Variants in BTBD16 observed in about 807,000 individuals in gnomAD.
The protein encoded by BTBD16 is BTB/POZ domain-containing protein 16.
A neutral mutation model predicts 67.4 loss-of-function variants in BTBD16; 66 were observed. The ratio of observed to expected loss-of-function variants is 0.98; its 90% CI spans 0.80 to 1.20. The LOEUF (loss-of-function observed/expected upper bound fraction) is 1.20. Ranked by LOEUF, BTBD16 falls within the 50% of genes most tolerant of loss-of-function variation. BTBD16 has a pLI of 0.00. For missense variants in BTBD16, 634 were observed against 616.0 expected (o/e 1.03, Z -0.31); for synonymous variants, 242 against 236.4 (o/e 1.02, Z -0.22).
intron 8 of BTBD16, among the ~76,000 whole-genome samples, chr10:122,298,109 G>A (rs758480924): frequency 1.8e-4 from 27 of 152,052 alleles, no homozygotes; most frequent in Non-Finnish European, 2.8e-4. Context: ...CGAAACAGCC[G>A]AAGACCTTCC....
chr10:122,332,899 G>A (rs2096457475), intron 13 of BTBD16: 2 of 985,312 alleles, frequency 2.0e-6, no homozygotes, highest in Admixed American at 6.1e-5. Context: ...TCCATGCCAA[G>A]TCCATGTTTA....
intron 13 of BTBD16, among the ~76,000 whole-genome samples, chr10:122,334,484 C>A (rs1212469405): frequency 8.0e-6 from 1 of 125,704 alleles, no homozygotes; most frequent in Non-Finnish European, 1.6e-5. Flanking sequence ...TGTGAGCCAC[C>A]GTGCCCGGCC....
At chr10:122,326,498 G>A (rs1169857678) in intron 10 of BTBD16, among the ~76,000 whole-genome samples, 1 of 152,174 alleles carries the variant, frequency 6.6e-6, no homozygotes, top group African/African-American at 2.4e-5. Context: ...TGTATGTTAA[G>A]GCTAAAATCT....
chr10:122,297,829 G>A lies in BTBD16; in HGVS notation c.652G>A (p.Gly218Ser), dbSNP rs766795178. Residue 218 changes from glycine to serine, a missense_variant, in exon 8 of 16, where the codon GGC becomes AGC. Coordinates refer to ENST00000260723, the MANE Select transcript of BTBD16 (RefSeq NM_144587.5). ...CACCATCAAGAAATTCTACGAGGCCGGCTGCAAGGTGAGAACAACCCAGAC... is the reference window on the plus strand; with the variant it reads ...CACCATCAAGAAATTCTACGAGGCCAGCTGCAAGGTGAGAACAACCCAGAC... ...PSTIKKFYEA[G>S]CKYKEEQLTT... 8.7e-6 allele frequency: 14 copies of A among 1,614,088 alleles called. No homozygotes were observed. Among genetic ancestry groups the A allele is most frequent in the South Asian group, 3.3e-5 (3 of 91,048 alleles).
intron 10 of BTBD16, among the ~76,000 whole-genome samples, chr10:122,326,948 A>G (rs1297779972): frequency 6.6e-6 from 1 of 152,230 alleles, no homozygotes; most frequent in African/African-American, 2.4e-5. Flanking sequence ...TGTAGTCCCC[A>G]GACTTAGCAG....
At chr10:122,298,960 A>G (rs751696533) in intron 8 of BTBD16, 44 bp from the exon 9 acceptor site, 4 of 1,606,302 alleles carry the variant, frequency 2.5e-6, no homozygotes, top group South Asian at 2.2e-5. Flanking sequence ...GAGGGTGCCA[A>G]GAGCTCAGGA....
chr10:122,275,261 G>A (rs1002241283), intron 2 of BTBD16, among the ~76,000 whole-genome samples, 162 bp downstream of exon 2: 3 of 152,130 alleles, frequency 2.0e-5, no homozygotes, highest in African/African-American at 7.2e-5. Flanking sequence ...GCACCGTCCA[G>A]AGGGCAGAGA....
intron 10 of BTBD16, among the ~76,000 whole-genome samples, chr10:122,316,479 A>G (rs796454469): frequency 1.4e-4 from 21 of 152,260 alleles, no homozygotes; most frequent in African/African-American, 5.1e-4. Context: ...TGCAAACATC[A>G]TAGGGGGTGC....
intron 11 of BTBD16, 92 bp from the exon 12 acceptor site, chr10:122,331,084 C>A: frequency 6.6e-7 from 1 of 1,522,168 alleles, no homozygotes; most frequent in Non-Finnish European, 8.8e-7. Flanking sequence ...TCCCTCAGCT[C>A]CGGACTTCTT....
intron 1 of BTBD16, among the ~76,000 whole-genome samples, 161 bp downstream of exon 1, chr10:122,271,675 G>A (rs1304224386): frequency 6.6e-6 from 1 of 152,142 alleles, no homozygotes; most frequent in Non-Finnish European, 1.5e-5. Flanking sequence ...TCTGGGAGCT[G>A]AGAGACCATT....
chr10:122,278,296 C>T (rs931157162), intron 3 of BTBD16, among the ~76,000 whole-genome samples: 1 of 152,134 alleles, frequency 6.6e-6, no homozygotes, highest in Admixed American at 6.5e-5. Flanking sequence ...CTGTTAAAAG[C>T]AGTCTATCAA....
chr10:122,323,012 C>G (rs190511887), intron 10 of BTBD16, among the ~76,000 whole-genome samples: 209 of 152,320 alleles, frequency 1.4e-3, no homozygotes, highest in African/African-American at 4.8e-3. Flanking sequence ...CCTCCCAGTC[C>G]TCAATCTTTC....
At chr10:122,299,539 T>C (rs908105864) in intron 9 of BTBD16, among the ~76,000 whole-genome samples, 2 of 152,086 alleles carry the variant, frequency 1.3e-5, no homozygotes, top group South Asian at 4.2e-4. Flanking sequence ...TACACCCACG[T>C]ATCTGATCGC....
chr10:122,304,715 G>A (rs986958950), intron 9 of BTBD16, among the ~76,000 whole-genome samples: 6 of 151,870 alleles, frequency 4.0e-5, no homozygotes, highest in Non-Finnish European at 8.8e-5. Flanking sequence ...CACCATGCCC[G>A]GATAATTTTT....
chr10:122,329,717 G>A lies in BTBD16; in HGVS notation c.1003+146G>A, dbSNP rs1590098194. 4.5e-5 allele frequency: 30 copies of A among 662,326 alleles called. No homozygotes were observed. The East Asian group carries it at 6.3e-4, about 14-fold the overall frequency. 41.0% of individuals were successfully genotyped at this position (662,326 alleles called of 1,614,324 possible). A position where few individuals can be genotyped will look rare whatever the true frequency, so the allele number is the denominator to read the frequency against. ...TGTCACTTCCAAGCTGTGTGACTTCGGGAAAGTCATGTAGCCTCTTGGTCT... is the reference window on the plus strand; with the variant it reads ...TGTCACTTCCAAGCTGTGTGACTTCAGGAAAGTCATGTAGCCTCTTGGTCT... On this transcript the variant is annotated intron_variant, in intron 11 of 15. Transcript: ENST00000260723.
At chr10:122,332,240 G>C (rs1465971050) in intron 12 of BTBD16, 196 bp from the exon 13 acceptor site, 12 of 572,182 alleles carry the variant, frequency 2.1e-5, no homozygotes, top group Non-Finnish European at 3.4e-5. Flanking sequence ...TGAGAGCACT[G>C]GACACAGTGC....
At position 122,319,309 on chromosome 10, in the gene BTBD16, T is replaced by C. The variant is rs78885263; in HGVS notation, c.912-10171T>C. On this transcript the variant is annotated intron_variant, in intron 10 of 15. Transcript: ENST00000260723. ...ACTTAATAATCTTGCCAAAGCAAGATGACTATGATTTTTCCTCTATGTTTT... is the reference window on the plus strand; with the variant it reads ...ACTTAATAATCTTGCCAAAGCAAGACGACTATGATTTTTCCTCTATGTTTT... Among the ~76,000 whole-genome samples, 61 of 152,326 alleles carry C rather than the reference T, an allele frequency of 4.0e-4. No homozygotes were observed. The East Asian group carries it at 0.01, about 26-fold the overall frequency.
intron 3 of BTBD16, among the ~76,000 whole-genome samples, chr10:122,279,880 G>T (rs540483002): frequency 1.3e-5 from 2 of 152,160 alleles, no homozygotes; most frequent in Admixed American, 6.5e-5. Flanking sequence ...CTTGAGTTAC[G>T]GAAAGGGTCA....
intron 10 of BTBD16, among the ~76,000 whole-genome samples, chr10:122,313,198 C>A (rs2096417275): frequency 6.7e-6 from 1 of 148,314 alleles, no homozygotes; most frequent in African/African-American, 2.5e-5. Context: ...GTTTGATGAA[C>A]AAAATTTTAA....
Sources: allele counts gnomAD v4.1 joint callset (sites outside exome capture counted in the v4.1 genomes callset), GRCh38; gene constraint gnomAD v4.1.1; transcripts MANE v1.5; gene names NCBI Gene and HGNC (gene_info 2026-07-23, HGNC 2026-07-21).